MIPEP: variants seen among roughly 807,000 people sequenced by gnomAD.
MIPEP encodes the protein mitochondrial intermediate peptidase.
A neutral mutation model predicts 90.3 loss-of-function variants in MIPEP; 79 were observed. The ratio of observed to expected loss-of-function variants is 0.87; its 90% CI spans 0.73 to 1.05. MIPEP has a LOEUF of 1.05. Ranked by LOEUF, MIPEP falls within the 50% of genes least tolerant of loss-of-function variation. The pLI, the probability that MIPEP is intolerant of heterozygous loss-of-function variation, is 0.00. For missense variants in MIPEP, 940 were observed against 905.6 expected, an observed-to-expected ratio of 1.04 and a Z score of -0.49; for synonymous variants, 334 against 315.8, an observed-to-expected ratio of 1.06 and a Z score of -0.61.
chr13:23,831,383 C>CCG (rs58008469), intron 14 of MIPEP, among the ~76,000 whole-genome samples: 1 of 40,922 alleles, frequency 2.4e-5, no homozygotes, highest in Non-Finnish European at 5.9e-5. Flanking sequence ...TTCCCCATGG[C>CCG]GGGGGGGGGA....
chr13:23,754,634 A>G (rs1319073120), intron 18 of MIPEP, among the ~76,000 whole-genome samples: 1 of 152,218 alleles, frequency 6.6e-6, no homozygotes, highest in African/African-American at 2.4e-5. Flanking sequence ...AAAGATAAAC[A>G]CTGAAAAAGA....
intron 16 of MIPEP, among the ~76,000 whole-genome samples, chr13:23,764,159 G>C (rs975983984): frequency 7.2e-5 from 11 of 152,184 alleles, no homozygotes; most frequent in African/African-American, 2.7e-4. Context: ...AAACATCTTT[G>C]TAGTTTTCCT....
At chr13:23,792,710 CT>C in intron 16 of MIPEP, among the ~76,000 whole-genome samples, 1 of 152,216 alleles carries the variant, frequency 6.6e-6, no homozygotes, top group Non-Finnish European at 1.5e-5. Flanking sequence ...GATCAAAACC[CT>C]TGCAGTAATT....
intron 16 of MIPEP, among the ~76,000 whole-genome samples, chr13:23,794,659 C>T (rs1303886182): frequency 6.6e-6 from 1 of 151,762 alleles, no homozygotes; most frequent in African/African-American, 2.4e-5. Context: ...AAATTGCAGG[C>T]CGAGAAGAAA....
chr13:23,844,789 T>C (rs1188032378), intron 10 of MIPEP, among the ~76,000 whole-genome samples: 1 of 152,200 alleles, frequency 6.6e-6, no homozygotes, highest in Non-Finnish European at 1.5e-5. Flanking sequence ...TGACAATCAT[T>C]ATGTGTTGGG....
chr13:23,760,126 T>G lies in MIPEP; in HGVS notation c.1940A>C (p.Lys647Thr), dbSNP rs1172858713. ...MSRAVASMVW[K>T]ECFLQDPFNR... ...GAAAGGATCCTGTAGAAAACACTCC[T>G]TCCAAACCATGGAGGCGACCGCTCT... The change falls in exon 17 of 19, where the codon AAG becomes ACG. Residue 647 changes from lysine to threonine, a missense_variant. Transcript: ENST00000382172. The G allele has an allele frequency of 6.2e-7, 1 of 1,614,132 alleles. No homozygotes were observed. The highest frequency in any genetic ancestry group is 1.7e-5 in the Admixed American group (1 of 60,018).
At chr13:23,751,663 C>A (rs115120339) in intron 18 of MIPEP, among the ~76,000 whole-genome samples, 17 of 152,142 alleles carry the variant, frequency 1.1e-4, no homozygotes, top group Non-Finnish European at 2.2e-4. Context: ...AGATTCTTTG[C>A]GGAAGAGTTG....
rs1022764102 is a variant in MIPEP at position 23,810,165 on chromosome 13, C to T, written c.1654-241G>A. ...GTTTGTACATGAAAATACAGGATTA[C>T]GTGGAACTAAGACACTGGCGCCGAT... On this transcript the variant is annotated intron_variant, in intron 14 of 18. Transcript: ENST00000382172. Among the ~76,000 whole-genome samples, 18 of 152,094 alleles carry T rather than the reference C, an allele frequency of 1.2e-4. 1 individual carries two copies. The highest frequency in any genetic ancestry group is 1.2e-3 in the Admixed American group (18 of 15,278).
chr13:23,785,289 C>A (rs1288132805), intron 16 of MIPEP, among the ~76,000 whole-genome samples: 2 of 152,102 alleles, frequency 1.3e-5, no homozygotes, highest in Non-Finnish European at 2.9e-5. Flanking sequence ...CACATATACA[C>A]CATGGAATAC....
chr13:23,746,834 T>A (rs1380862306), intron 18 of MIPEP, among the ~76,000 whole-genome samples: 1 of 152,094 alleles, frequency 6.6e-6, no homozygotes, highest in Admixed American at 6.6e-5. Flanking sequence ...TACTACAAGA[T>A]ATTTACTTGA....
intron 16 of MIPEP, among the ~76,000 whole-genome samples, chr13:23,761,818 A>G (rs1221483394): frequency 6.6e-6 from 1 of 152,178 alleles, no homozygotes; most frequent in Admixed American, 6.5e-5. Flanking sequence ...TGACATAAAC[A>G]TTTCTTTTAA....
intron 18 of MIPEP, among the ~76,000 whole-genome samples, chr13:23,737,106 G>A (rs777862924): frequency 2.0e-5 from 3 of 152,210 alleles, no homozygotes; most frequent in Non-Finnish European, 2.9e-5. Context: ...CCACCCATGA[G>A]CACTTGTACC....
chr13:23,830,179 T>G (rs187230955), intron 14 of MIPEP, among the ~76,000 whole-genome samples: 1 of 152,256 alleles, frequency 6.6e-6, no homozygotes, highest in Admixed American at 6.5e-5. Flanking sequence ...ACCTGTGTGC[T>G]CCACGTGTGC....
chr13:23,847,828 AG>A (rs1869616667), intron 10 of MIPEP, among the ~76,000 whole-genome samples: 2 of 151,958 alleles, frequency 1.3e-5, no homozygotes, highest in Non-Finnish European at 2.9e-5. Flanking sequence ...TGGTGAAGCA[AG>A]ATCTATAGTG....
chr13:23,766,054 G>A (rs1006662548), intron 16 of MIPEP: 2 of 152,188 alleles, frequency 1.3e-5, no homozygotes, highest in Non-Finnish European at 2.9e-5. Flanking sequence ...CATTATTTCA[G>A]AAGTATTTTT....
At chr13:23,753,816 T>G (rs543855957) in intron 18 of MIPEP, among the ~76,000 whole-genome samples, 1 of 152,224 alleles carries the variant, frequency 6.6e-6, no homozygotes, top group Non-Finnish European at 1.5e-5. Flanking sequence ...AGTTTGCCTA[T>G]GTAGAACTTA....
intron 14 of MIPEP, among the ~76,000 whole-genome samples, chr13:23,831,856 T>C (rs1217858589): frequency 6.6e-6 from 1 of 152,164 alleles, no homozygotes. Flanking sequence ...GGCAGGCTAT[T>C]AGACTGCACG....
chr13:23,775,890 T>C (rs1952709935), intron 16 of MIPEP, among the ~76,000 whole-genome samples: 1 of 152,220 alleles, frequency 6.6e-6, no homozygotes. Flanking sequence ...AACTAAACTC[T>C]GGATAAAATA....
chr13:23,731,447 C>A (rs1055590624), intron 18 of MIPEP, among the ~76,000 whole-genome samples: 1 of 152,030 alleles, frequency 6.6e-6, no homozygotes, highest in Non-Finnish European at 1.5e-5. Context: ...CATATCCATA[C>A]GGCAGAAAAC....
Sources: gnomAD v4.1 joint callset for allele counts (sites outside exome capture counted in the v4.1 genomes callset) on GRCh38, gnomAD v4.1.1 for gene constraint, MANE v1.5 for transcripts, NCBI Gene and HGNC (gene_info 2026-07-23, HGNC 2026-07-21) for gene names.